FBXW7: variants seen among roughly 807,000 people sequenced by gnomAD.
FBXW7 encodes the protein F-box/WD repeat-containing protein 7.
Under a neutral mutation model 86.3 loss-of-function variants are expected in FBXW7, and 11 were observed. That is an observed-to-expected ratio of 0.13 (90% CI 0.08 to 0.21). The LOEUF (loss-of-function observed/expected upper bound fraction) is 0.21, where lower values mean the gene tolerates loss of function less well. FBXW7 is among the 10% of genes least tolerant of loss of function. FBXW7 has a pLI of 1.00. For synonymous variants in FBXW7, 313 were observed against 297.9 expected, an observed-to-expected ratio of 1.05 and a Z score of -0.52; for missense variants, 488 against 847.4, an observed-to-expected ratio of 0.58 and a Z score of 5.27.
At chr4:152,396,789 T>C (rs1216574380) in intron 4 of FBXW7, among the ~76,000 whole-genome samples, 2 of 151,966 alleles carry the variant, frequency 1.3e-5, no homozygotes, top group African/African-American at 4.8e-5. Flanking sequence ...TTTCAGAAAA[T>C]GGCAGTGATA....
intron 4 of FBXW7, among the ~76,000 whole-genome samples, chr4:152,397,344 C>A (rs184838170): frequency 6.6e-6 from 1 of 152,056 alleles, no homozygotes; most frequent in African/African-American, 2.4e-5. Flanking sequence ...AAAGATCCAA[C>A]AGTATACAGC....
chr4:152,482,928 A>C (rs1745010974), intron 2 of FBXW7, among the ~76,000 whole-genome samples: 1 of 152,186 alleles, frequency 6.6e-6, no homozygotes. Flanking sequence ...TAAGTAAATG[A>C]GATCATACTA....
intron 4 of FBXW7, among the ~76,000 whole-genome samples, chr4:152,381,557 A>G (rs1318726884): frequency 1.3e-5 from 2 of 152,164 alleles, no homozygotes; most frequent in Non-Finnish European, 2.9e-5. Context: ...AAACTTGTTG[A>G]CCAGGGAGAG....
intron 4 of FBXW7, chr4:152,352,472 T>C (rs778854874): frequency 1.2e-6 from 2 of 1,613,826 alleles, no homozygotes; most frequent in Non-Finnish European, 8.5e-7. Flanking sequence ...TTACTTACTT[T>C]GTAAAAAATC....
rs1737952153 is a variant in FBXW7, at chr4:152,411,412, C to T, written c.392G>A (p.Ser131Asn). The change falls in exon 4 of 14, where the codon AGT becomes AAT. Residue 131 changes from serine (S) to asparagine (N), a missense_variant. This residue lies in a region of FBXW7 where 230 missense variants were observed against 240.0 expected (regional missense o/e 0.96). Coordinates refer to ENST00000281708, the MANE Select transcript of FBXW7 (RefSeq NM_001349798.2). Reference sequence around the variant, plus strand: ...ATGTGTATGTTCATCTTCTCTGCTACTATCATCAGACTGATCAAAATCGTC... The same window carrying T: ...ATGTGTATGTTCATCTTCTCTGCTATTATCATCAGACTGATCAAAATCGTC... Reference protein sequence around the residue: ...ESDDFDQSDDSSREDEHTHTN... With the variant: ...ESDDFDQSDDNSREDEHTHTN... The T allele has an allele frequency of 6.2e-7, 1 of 1,613,726 alleles. No homozygotes were observed.
chr4:152,448,820 G>A (rs1244881814), intron 2 of FBXW7, among the ~76,000 whole-genome samples: 1 of 152,144 alleles, frequency 6.6e-6, no homozygotes, highest in Non-Finnish European at 1.5e-5. Context: ...TTAGAAAGAA[G>A]GTAAGGTGCT....
chr4:152,387,354 T>C (rs1735609749), intron 4 of FBXW7, among the ~76,000 whole-genome samples: 2 of 152,136 alleles, frequency 1.3e-5, no homozygotes, highest in South Asian at 4.1e-4. Context: ...GATAATATGG[T>C]ATTATCAAGC....
At chr4:152,324,047 G>A in intron 13 of FBXW7, 137 bp downstream of exon 13, 1 of 637,332 alleles carries the variant, frequency 1.6e-6, no homozygotes, top group Non-Finnish European at 2.7e-6. Flanking sequence ...TGTAAGTCAG[G>A]GTGAAAATAT....
intron 2 of FBXW7, among the ~76,000 whole-genome samples, chr4:152,450,775 C>T (rs959694051): frequency 3.3e-5 from 5 of 152,156 alleles, no homozygotes; most frequent in African/African-American, 1.2e-4. Context: ...AATTAAAAAT[C>T]CCTGCCATAC....
intron 2 of FBXW7, among the ~76,000 whole-genome samples, chr4:152,429,151 T>C (rs560175481): frequency 1.3e-5 from 2 of 152,030 alleles, no homozygotes; most frequent in South Asian, 2.1e-4. Context: ...GATCGGGTCA[T>C]TGCACTCCAG....
rs77031697 is a variant in FBXW7, at chr4:152,382,609, C to T, written c.501+28694G>A. 3,045 of 504,184 alleles carry T rather than the reference C, an allele frequency of 6.0e-3. 98 individuals are homozygous for T. Among genetic ancestry groups the T allele is most frequent in the African/African-American group, 0.056 (2,792 of 49,444 alleles). The allele number at this position is 504,184 out of a possible 1,614,324, so 31.2% of individuals were successfully genotyped here. ...CCTGCCAGTCAAACAGCTGGTGAAC[C>T]TCTCATACAAAGTCAGTAATGTGAA... is the stretch of plus-strand genomic sequence containing the variant. On this transcript the variant is annotated intron_variant, in intron 4 of 13. Transcript: ENST00000281708.
At position 152,321,710 on chromosome 4, in the gene FBXW7, ATATATTTT is replaced by A; in HGVS notation, c.*1163_*1170del. ...CAACTTTATTTTAATTTTGTGTTTT[ATATATTTT>A]TAAAATATTTTGTCAGTTTTACGAT... On this transcript the variant is annotated 3_prime_UTR_variant, in exon 14 of 14. Coordinates refer to ENST00000281708, the MANE Select transcript of FBXW7 (RefSeq NM_001349798.2). The A allele has an allele frequency of 4.3e-6, 1 of 233,086 alleles. No individual in the cohort carries two copies. The highest frequency in any genetic ancestry group is 5.6e-5 in the Admixed American group (1 of 17,776). The allele number at this position is 233,086 out of a possible 1,614,324, so 14.4% of individuals were successfully genotyped here.
At chr4:152,353,399 A>G (rs1732050364) in intron 4 of FBXW7, among the ~76,000 whole-genome samples, 1 of 152,216 alleles carries the variant, frequency 6.6e-6, no homozygotes, top group South Asian at 2.1e-4. Context: ...TATTGATTTA[A>G]TAAAAACATT....
At chr4:152,482,601 A>G (rs1309039523) in intron 2 of FBXW7, among the ~76,000 whole-genome samples, 1 of 152,142 alleles carries the variant, frequency 6.6e-6, no homozygotes, top group Non-Finnish European at 1.5e-5. Flanking sequence ...AATTCTTTCA[A>G]TGGGGAGCCA....
chr4:152,472,147 G>C (rs1217224342), intron 2 of FBXW7, among the ~76,000 whole-genome samples: 1 of 152,036 alleles, frequency 6.6e-6, no homozygotes, highest in Non-Finnish European at 1.5e-5. Flanking sequence ...ACAATACCAA[G>C]TGTAAGCAAA....
chr4:152,402,433 C>T (rs1473315896), intron 4 of FBXW7, among the ~76,000 whole-genome samples: 2 of 152,074 alleles, frequency 1.3e-5, no homozygotes, highest in Non-Finnish European at 2.9e-5. Flanking sequence ...TTAGTTGAGG[C>T]AACATTTGGG....
At chr4:152,390,176 T>C (rs1239653721) in intron 4 of FBXW7, among the ~76,000 whole-genome samples, 1 of 149,270 alleles carries the variant, frequency 6.7e-6, no homozygotes, top group Non-Finnish European at 1.5e-5. Flanking sequence ...ATATTTGACT[T>C]TTTTTTTTTA....
chr4:152,350,744 G>C (rs1731735592), intron 4 of FBXW7, among the ~76,000 whole-genome samples: 1 of 151,690 alleles, frequency 6.6e-6, no homozygotes, highest in Admixed American at 6.6e-5. Flanking sequence ...AACGCTGAGG[G>C]GAAAGTTGTC....
chr4:152,465,843 CAA>C (rs33966110), intron 2 of FBXW7, among the ~76,000 whole-genome samples: 3,822 of 117,176 alleles, frequency 0.033, 88 homozygotes, highest in African/African-American at 0.071. Context: ...GACTCTTTCT[CAA>C]AAAAAAAAAA....
Sources: gnomAD v4.1 joint callset for allele counts (sites outside exome capture counted in the v4.1 genomes callset) on GRCh38, gnomAD v4.1.1 for gene constraint, gnomAD v4.1.1 regional missense constraint, MANE v1.5 for transcripts, NCBI Gene and HGNC (gene_info 2026-07-23, HGNC 2026-07-21) for gene names.